EGFLAM: variants seen among roughly 807,000 people sequenced by gnomAD.
EGFLAM encodes the protein EGF like, fibronectin type III and laminin G domains.
A neutral mutation model predicts 113.1 loss-of-function variants in EGFLAM; 79 were observed. That is an observed-to-expected ratio of 0.70 (90% CI 0.58 to 0.84). The LOEUF is 0.84. Ranked by LOEUF, EGFLAM falls within the 40% of genes least tolerant of loss-of-function variation. The pLI is 0.00. For missense variants in EGFLAM, 1,265 were observed against 1,291.6 expected (o/e 0.98, Z 0.32); for synonymous variants, 504 against 487.6 (o/e 1.03, Z -0.44).
chr5:38,354,943 G>A (rs2561106), intron 5 of EGFLAM, among the ~76,000 whole-genome samples: 77,388 of 152,040 alleles, frequency 0.51, 22,092 homozygotes, highest in Non-Finnish European at 0.62. Flanking sequence ...GATTCAGACA[G>A]AAGAACTGGG....
At chr5:38,383,047 G>A (rs1740556464) in intron 6 of EGFLAM, among the ~76,000 whole-genome samples, 1 of 152,164 alleles carries the variant, frequency 6.6e-6, no homozygotes, top group African/African-American at 2.4e-5. Context: ...AGAGCCGGAC[G>A]AGCCCTTGCG....
chr5:38,331,229 G>A (rs926182796), intron 1 of EGFLAM, among the ~76,000 whole-genome samples: 2 of 152,052 alleles, frequency 1.3e-5, no homozygotes, highest in African/African-American at 2.4e-5. Context: ...ACATTTGTTG[G>A]TGAACCTACA....
chr5:38,385,274 A>G (rs994447868), intron 6 of EGFLAM, among the ~76,000 whole-genome samples: 1 of 33,590 alleles, frequency 3.0e-5, no homozygotes, highest in African/African-American at 1.0e-4. Flanking sequence ...ACTGTTTCCC[A>G]CCCACCCCCC....
intron 14 of EGFLAM, chr5:38,430,052 G>A (rs775238161): frequency 3.8e-4 from 86 of 227,032 alleles, no homozygotes; most frequent in Non-Finnish European, 6.8e-4. Context: ...GGTGGCTGTA[G>A]GGGCAATCTG....
chr5:38,446,954 C>A (rs1448373990), intron 17 of EGFLAM, among the ~76,000 whole-genome samples: 1 of 152,128 alleles, frequency 6.6e-6, no homozygotes, highest in East Asian at 1.9e-4. Flanking sequence ...CTTCTTTGCA[C>A]CAACCATGTA....
At chr5:38,459,102 T>A (rs1397338705) in intron 20 of EGFLAM, among the ~76,000 whole-genome samples, 1 of 151,942 alleles carries the variant, frequency 6.6e-6, no homozygotes. Flanking sequence ...AGTGGTGTCA[T>A]CATGGCTCAG....
chr5:38,365,620 G>A lies in EGFLAM; in HGVS notation c.546-4676G>A, dbSNP rs557503632. On this transcript the variant is annotated intron_variant, in intron 5 of 21. Coordinates refer to ENST00000322350, the MANE Select transcript of EGFLAM (RefSeq NM_152403.4). ...AGTGAGTGGCAAGATCAATTTAATG[G>A]TCTTTTACCAGCATTTTGTTTTTTA... Among the ~76,000 whole-genome samples, 9 of 152,230 alleles carry A rather than the reference G, an allele frequency of 5.9e-5. No individual in the cohort carries two copies. The South Asian group carries it at 1.9e-3, about 32-fold the overall frequency.
chr5:38,312,573 A>G (rs1444812529), intron 1 of EGFLAM, among the ~76,000 whole-genome samples: 1 of 152,130 alleles, frequency 6.6e-6, no homozygotes, highest in African/African-American at 2.4e-5. Flanking sequence ...CAGGGATGAT[A>G]ATAACACCTA....
intron 6 of EGFLAM, among the ~76,000 whole-genome samples, chr5:38,389,154 G>A (rs965800066): frequency 6.6e-6 from 1 of 152,146 alleles, no homozygotes; most frequent in Non-Finnish European, 1.5e-5. Flanking sequence ...GTAGTTGAGT[G>A]AATGGCATTT....
intron 6 of EGFLAM, among the ~76,000 whole-genome samples, chr5:38,400,328 G>A (rs1180406914): frequency 6.6e-6 from 1 of 152,062 alleles, no homozygotes; most frequent in African/African-American, 2.4e-5. Flanking sequence ...ACAAAAATTT[G>A]TGTTTTGTTT....
At chr5:38,461,677 T>G (rs1334490603) in intron 20 of EGFLAM, among the ~76,000 whole-genome samples, 1 of 152,174 alleles carries the variant, frequency 6.6e-6, no homozygotes, top group Non-Finnish European at 1.5e-5. Context: ...CTAGAAGAGT[T>G]GCTATCAAGA....
At chr5:38,425,917 A>G (rs1041928860) in intron 13 of EGFLAM, among the ~76,000 whole-genome samples, 4 of 152,172 alleles carry the variant, frequency 2.6e-5, no homozygotes, top group Admixed American at 2.6e-4. Context: ...CACGAGGCCA[A>G]CGTGGTGAAA....
intron 9 of EGFLAM, among the ~76,000 whole-genome samples, chr5:38,408,198 TAG>T: frequency 6.6e-6 from 1 of 152,344 alleles, no homozygotes; most frequent in South Asian, 2.1e-4. Flanking sequence ...TTGTTCACAA[TAG>T]TGATTTCTCC....
chr5:38,263,206 A>G (rs903347196), intron 1 of EGFLAM, among the ~76,000 whole-genome samples: 16 of 152,224 alleles, frequency 1.1e-4, no homozygotes, highest in Admixed American at 8.5e-4. Context: ...CCATGCCTGT[A>G]ATCCCAGCAC....
chr5:38,431,151 A>C, intron 14 of EGFLAM, 26 bp from the exon 15 acceptor site: 1 of 1,605,848 alleles, frequency 6.2e-7, no homozygotes, highest in Non-Finnish European at 8.5e-7. Context: ...GATACATAAA[A>C]ATAATATCAC....
chr5:38,264,559 A>C (rs1373801150), intron 1 of EGFLAM, among the ~76,000 whole-genome samples: 1 of 152,144 alleles, frequency 6.6e-6, no homozygotes, highest in Non-Finnish European at 1.5e-5. Flanking sequence ...GCCAGGGATC[A>C]GGGGTCATCC....
At position 38,463,962 on chromosome 5, in the gene EGFLAM, C is replaced by A. The variant is rs1743380551; in HGVS notation, c.3006C>A (p.Asn1002Lys). ...TGGAAGATGCCGTGGATGGGAAAAA[C>A]ATCAACACTTGTGGAGCCAAGTAAC... ...SLVEDAVDGKNINTCGAK is the reference protein window; with the variant it reads ...SLVEDAVDGKKINTCGAK Residue 1002 changes from asparagine to lysine, a missense_variant, in exon 22 of 22, where the codon AAC (asparagine) becomes AAA (lysine). Coordinates refer to ENST00000322350, the MANE Select transcript of EGFLAM (RefSeq NM_152403.4). 1 of 1,614,232 alleles carries A rather than the reference C, an allele frequency of 6.2e-7. No homozygotes were observed. The highest frequency in any genetic ancestry group is 8.5e-7 in the Non-Finnish European group (1 of 1,180,048).
chr5:38,386,928 T>C (rs1740677749), intron 6 of EGFLAM, among the ~76,000 whole-genome samples: 1 of 152,180 alleles, frequency 6.6e-6, no homozygotes. Context: ...GACGCACAGA[T>C]ATCAAGAAAA....
At chr5:38,430,239 T>C (rs1742147228) in intron 14 of EGFLAM, 1 of 152,726 alleles carries the variant, frequency 6.5e-6, no homozygotes, top group African/African-American at 2.4e-5. Flanking sequence ...TTACAGACAT[T>C]GGTATGCCAA....
Sources: allele counts gnomAD v4.1 joint callset (sites outside exome capture counted in the v4.1 genomes callset), GRCh38; gene constraint gnomAD v4.1.1; transcripts MANE v1.5; gene names NCBI Gene and HGNC (gene_info 2026-07-23, HGNC 2026-07-21).